PRR5L: variants seen among roughly 807,000 people sequenced by gnomAD.
The protein encoded by PRR5L is proline-rich protein 5-like.
PRR5L carries 21 observed loss-of-function variants against 36.4 expected under a neutral mutation model. The observed-to-expected ratio is 0.58, with a 90% confidence interval of 0.41 to 0.83. The LOEUF (loss-of-function observed/expected upper bound fraction) is 0.83, where lower values mean the gene tolerates loss of function less well. Among genes scored for constraint, PRR5L ranks in the 40% least tolerant of loss-of-function variants. The pLI is 0.00. For missense variants in PRR5L, 381 were observed against 473.3 expected (o/e 0.80, Z 1.81); for synonymous variants, 188 against 197.0 (o/e 0.95, Z 0.38).
intron 1 of PRR5L, among the ~76,000 whole-genome samples, chr11:36,335,555 T>C (rs912015300): frequency 1.9e-4 from 29 of 152,168 alleles, no homozygotes; most frequent in African/African-American, 7.0e-4. Context: ...TGCAGCAGGC[T>C]CCAGGGAAAG....
chr11:36,332,481 C>A (rs1031442537), intron 1 of PRR5L, among the ~76,000 whole-genome samples: 2 of 152,190 alleles, frequency 1.3e-5, no homozygotes, highest in Non-Finnish European at 2.9e-5. Context: ...GAGTGATTTT[C>A]TTAACCCTCC....
At chr11:36,351,248 T>TATA (rs1565407090) in intron 1 of PRR5L, among the ~76,000 whole-genome samples, 3 of 73,226 alleles carry the variant, frequency 4.1e-5, no homozygotes, top group African/African-American at 1.8e-4. Flanking sequence ...TTATATATAT[T>TATA]TTTATATATG....
intron 1 of PRR5L, among the ~76,000 whole-genome samples, chr11:36,327,850 C>T (rs1030881617): frequency 2.0e-5 from 3 of 152,176 alleles, no homozygotes; most frequent in African/African-American, 7.2e-5. Flanking sequence ...TCGGCACCCC[C>T]TGTCCCAACT....
At chr11:36,411,740 T>G (rs1240404376) in intron 3 of PRR5L, among the ~76,000 whole-genome samples, 1 of 152,218 alleles carries the variant, frequency 6.6e-6, no homozygotes, top group African/African-American at 2.4e-5. Context: ...GCAATTCTTT[T>G]CTCCAAAGCT....
At chr11:36,431,758 A>G (rs1858500564) in intron 4 of PRR5L, 95 bp from the exon 5 acceptor site, 2 of 1,153,514 alleles carry the variant, frequency 1.7e-6, no homozygotes, top group Non-Finnish European at 2.6e-6. Flanking sequence ...AAGTGCCTAG[A>G]ACTCTGTGCC....
At chr11:36,307,714 C>T (rs549008296) in intron 1 of PRR5L, among the ~76,000 whole-genome samples, 3 of 152,282 alleles carry the variant, frequency 2.0e-5, no homozygotes, top group South Asian at 2.1e-4. Context: ...TTTCTGTGGG[C>T]GATGGGATCA....
intron 1 of PRR5L, among the ~76,000 whole-genome samples, chr11:36,324,765 A>G (rs1856643500): frequency 6.6e-6 from 1 of 152,162 alleles, no homozygotes; most frequent in South Asian, 2.1e-4. Context: ...TGAAAACTAA[A>G]AAGTAGAAAA....
chr11:36,448,491 C>T (rs554202090), intron 7 of PRR5L, among the ~76,000 whole-genome samples: 1 of 152,300 alleles, frequency 6.6e-6, no homozygotes, highest in African/African-American at 2.4e-5. Flanking sequence ...AACACTTTGT[C>T]TTCTGGGGTC....
chr11:36,324,302 C>A (rs141340413), intron 1 of PRR5L, among the ~76,000 whole-genome samples: 2,537 of 152,218 alleles, frequency 0.017, 44 homozygotes, highest in Non-Finnish European at 0.023. Context: ...AAAATATATA[C>A]TGCATCATTC....
chr11:36,426,844 T>G (rs953824878), intron 4 of PRR5L, among the ~76,000 whole-genome samples: 11 of 152,218 alleles, frequency 7.2e-5, no homozygotes, highest in African/African-American at 1.4e-4. Flanking sequence ...ACAGAATTCC[T>G]GCTTCCTGGT....
At chr11:36,339,473 C>G (rs1447308711) in intron 1 of PRR5L, among the ~76,000 whole-genome samples, 1 of 152,214 alleles carries the variant, frequency 6.6e-6, no homozygotes, top group African/African-American at 2.4e-5. Context: ...AAAGCTGACA[C>G]TTATTTAAAT....
rs938977226 is a variant in PRR5L at position 36,464,666 on chromosome 11, G to T, written c.*1930G>T. The T allele has an allele frequency of 1.3e-5, 2 of 152,184 alleles. No homozygotes were observed. The highest frequency in any genetic ancestry group is 2.9e-5 in the Non-Finnish European group (2 of 68,036). The allele number at this position is 152,184 out of a possible 1,614,324, so 9.4% of individuals were successfully genotyped here. A position where few individuals can be genotyped will look rare whatever the true frequency, so the allele number is the denominator to read the frequency against. ...GTCCTTATTAGTACACTTAACATTT[G>T]AGACTAGTATTTATTGATCCAGGCA... On this transcript the variant is annotated 3_prime_UTR_variant, in exon 9 of 9. Transcript: ENST00000530639.
At chr11:36,301,255 G>A (rs182129902) in intron 1 of PRR5L, among the ~76,000 whole-genome samples, 2 of 152,212 alleles carry the variant, frequency 1.3e-5, no homozygotes, top group Non-Finnish European at 2.9e-5. Context: ...TGGTAGGCAG[G>A]TTGGGCCCTG....
In PRR5L at chr11:36,363,078, G is replaced by A. The variant is rs569944891; in HGVS notation, c.-125-37919G>A. Among the ~76,000 whole-genome samples the A allele has an allele frequency of 9.2e-5, 14 of 152,276 alleles. No individual in the cohort carries two copies. In the South Asian group the frequency reaches 2.5e-3, roughly 27 times the overall value. ...GAGCCTGGTTTGTCTCTGCACCCTCGACCTGTGTGCAATAACTACTGCCTT... is the reference window on the plus strand; with the variant it reads ...GAGCCTGGTTTGTCTCTGCACCCTCAACCTGTGTGCAATAACTACTGCCTT... On this transcript the variant is annotated intron_variant, in intron 1 of 8. Coordinates refer to ENST00000530639, the MANE Select transcript of PRR5L (RefSeq NM_001160167.2).
intron 1 of PRR5L, among the ~76,000 whole-genome samples, chr11:36,324,046 GGTATATACCCAAGA>G (rs1856637372): frequency 6.6e-6 from 1 of 152,112 alleles, no homozygotes; most frequent in Non-Finnish European, 1.5e-5. Flanking sequence ...TTCACTCCTA[GGTATATACCCAAGA>G]GAAATGGGTG....
At chr11:36,427,000 C>T (rs1262317500) in intron 4 of PRR5L, among the ~76,000 whole-genome samples, 4 of 152,162 alleles carry the variant, frequency 2.6e-5, no homozygotes, top group African/African-American at 9.7e-5. Flanking sequence ...CCCCACACCA[C>T]CCATGGCCAC....
intron 1 of PRR5L, among the ~76,000 whole-genome samples, chr11:36,300,171 G>A (rs748845380): frequency 6.6e-5 from 10 of 152,108 alleles, no homozygotes; most frequent in Non-Finnish European, 1.2e-4. Context: ...CCTGAGACTG[G>A]GTAATTTTTA....
chr11:36,462,686 G>T lies in PRR5L; in HGVS notation c.1057G>T (p.Ala353Ser). 1 of 1,601,182 alleles carries T rather than the reference G, an allele frequency of 6.2e-7. No individual in the cohort carries two copies. Among genetic ancestry groups the T allele is most frequent in the Non-Finnish European group, 8.5e-7 (1 of 1,174,288 alleles). The change falls in exon 9 of 9, where the codon GCC becomes TCC. Residue 353 changes from alanine to serine, a missense_variant. Ala to Ser is a moderately conservative substitution (Grantham distance 99). Transcript: ENST00000530639. ...CAACCCTGACGGACTGGAGGAGGGG[G>T]CCAGGGGCAGCCAGGAGGGCTCGGA... is the stretch of plus-strand genomic sequence containing the variant. ...TDNPDGLEEGARGSQEGSELN... is the reference protein window; with the variant it reads ...TDNPDGLEEGSRGSQEGSELN...
chr11:36,441,634 C>T (rs1222106317), intron 6 of PRR5L, among the ~76,000 whole-genome samples: 1 of 152,174 alleles, frequency 6.6e-6, no homozygotes, highest in East Asian at 1.9e-4. Context: ...AACCCCCTTC[C>T]CACGGCTCCA....
Sources: allele counts gnomAD v4.1 joint callset (sites outside exome capture counted in the v4.1 genomes callset), GRCh38; gene constraint gnomAD v4.1.1; transcripts MANE v1.5; gene names NCBI Gene and HGNC (gene_info 2026-07-23, HGNC 2026-07-21).